NDUFA12: variants seen among roughly 807,000 people sequenced by gnomAD.
The protein encoded by NDUFA12 is NADH:ubiquinone oxidoreductase subunit A12.
A neutral mutation model predicts 20.3 loss-of-function variants in NDUFA12; 17 were observed. That is an observed-to-expected ratio of 0.84 (90% CI 0.57 to 1.26). The LOEUF (loss-of-function observed/expected upper bound fraction) is 1.26. NDUFA12 is among the 50% of genes most tolerant of loss of function. The pLI is 0.00. For synonymous variants in NDUFA12, 72 were observed against 63.6 expected (o/e 1.13, Z -0.63); for missense variants, 191 against 183.7 (o/e 1.04, Z -0.23).
At chr12:95,002,250 G>A (rs892807172) in intron 2 of NDUFA12, among the ~76,000 whole-genome samples, 18 of 150,660 alleles carry the variant, frequency 1.2e-4, no homozygotes, top group Admixed American at 3.3e-4. Context: ...GACCAGCCTG[G>A]CCAATATGGT....
intron 3 of NDUFA12, among the ~76,000 whole-genome samples, chr12:94,991,726 C>CAA (rs367869799): frequency 0.11 from 11,983 of 112,948 alleles, 699 homozygotes; most frequent in East Asian, 0.17. Context: ...GACGCTATCT[C>CAA]AAAAAAAAAA....
chr12:94,974,291 A>T (rs1359743297), intron 3 of NDUFA12, among the ~76,000 whole-genome samples: 3 of 152,072 alleles, frequency 2.0e-5, no homozygotes, highest in African/African-American at 7.2e-5. Context: ...AAAACCTACA[A>T]TGAGATATTA....
At chr12:94,988,837 CAG>C (rs1039996054) in intron 3 of NDUFA12, among the ~76,000 whole-genome samples, 4 of 152,338 alleles carry the variant, frequency 2.6e-5, no homozygotes, top group Admixed American at 1.3e-4. Flanking sequence ...CTCATTAAAA[CAG>C]TGTGTTGCTC....
chr12:94,975,119 C>T (rs1163395938), intron 3 of NDUFA12, among the ~76,000 whole-genome samples: 1 of 152,076 alleles, frequency 6.6e-6, no homozygotes, highest in Admixed American at 6.6e-5. Context: ...AAACATCTCA[C>T]CCCATAATAT....
intron 2 of NDUFA12, among the ~76,000 whole-genome samples, chr12:95,001,409 C>G (rs1164133062): frequency 6.6e-6 from 1 of 152,010 alleles, no homozygotes; most frequent in African/African-American, 2.4e-5. Context: ...CACCTGAGCC[C>G]AGGAATTCAA....
intron 3 of NDUFA12, among the ~76,000 whole-genome samples, chr12:94,975,143 G>A (rs1038775326): frequency 6.6e-6 from 1 of 152,058 alleles, no homozygotes; most frequent in Admixed American, 6.6e-5. Flanking sequence ...CACCTACTAT[G>A]TACCCAAAAA....
chr12:95,000,486 C>A (rs1379719020), intron 2 of NDUFA12, among the ~76,000 whole-genome samples: 1 of 152,206 alleles, frequency 6.6e-6, no homozygotes, highest in East Asian at 1.9e-4. Flanking sequence ...GAATTATCTG[C>A]CCCATAGTGT....
chr12:94,972,450 C>T (rs1335445460), intron 3 of NDUFA12: 1 of 454,530 alleles, frequency 2.2e-6, no homozygotes, highest in Admixed American at 2.3e-5. Flanking sequence ...GCTCAGGTTA[C>T]TCTGGCTCAT....
At chr12:94,991,308 G>C (rs1356818909) in intron 3 of NDUFA12, among the ~76,000 whole-genome samples, 1 of 151,700 alleles carries the variant, frequency 6.6e-6, no homozygotes, top group Non-Finnish European at 1.5e-5. Flanking sequence ...AAAATGTTCT[G>C]GGCCACACGT....
chr12:94,995,590 C>T, intron 2 of NDUFA12, among the ~76,000 whole-genome samples: 1 of 152,140 alleles, frequency 6.6e-6, no homozygotes, highest in South Asian at 2.1e-4. Context: ...AGTGCAATGG[C>T]GCGGCCTCGG....
At chr12:94,982,275 C>CTTTTTTTTTTT (rs201781364) in intron 3 of NDUFA12, among the ~76,000 whole-genome samples, 2 of 135,664 alleles carry the variant, frequency 1.5e-5, no homozygotes, top group African/African-American at 2.7e-5. Context: ...TTTTTCTTTT[C>CTTTTTTTTTTT]TTTTTTTTTT....
At chr12:94,996,333 A>G (rs1874831047) in intron 2 of NDUFA12, among the ~76,000 whole-genome samples, 1 of 93,672 alleles carries the variant, frequency 1.1e-5, no homozygotes, top group Non-Finnish European at 2.0e-5. Flanking sequence ...GTACACACAC[A>G]CACACACACA....
At chr12:94,994,353 C>CT in intron 2 of NDUFA12, 96 bp from the exon 3 acceptor site, 1 of 909,916 alleles carries the variant, frequency 1.1e-6, no homozygotes, top group Non-Finnish European at 1.7e-6. Context: ...TAAGAAAAGA[C>CT]TTTTTGTGAT....
chr12:95,003,517 G>A lies in NDUFA12; in HGVS notation c.86+78C>T, dbSNP rs369715805. ...AGCTGTGGATTCTCCAAGGTGACCC[G>A]AGCCTGGGACCCCTTCCAAGAAATC... On this transcript the variant is annotated intron_variant, in intron 1 of 3. Coordinates refer to ENST00000327772, the MANE Select transcript of NDUFA12 (RefSeq NM_018838.5). 6.6e-4 allele frequency: 960 copies of A among 1,456,702 alleles called. 10 individuals carry two copies. In the South Asian group the frequency reaches 9.7e-3, roughly 15 times the overall value. The allele number at this position is 1,456,702 out of a possible 1,614,324, so 90.2% of individuals were successfully genotyped here. A position where few individuals can be genotyped will look rare whatever the true frequency, so the allele number is the denominator to read the frequency against.
intron 3 of NDUFA12, chr12:94,971,870 C>T (rs567763037): frequency 2.7e-5 from 18 of 673,106 alleles, no homozygotes; most frequent in Non-Finnish European, 3.5e-5. Context: ...GTGGCAGATA[C>T]GCAACAAATG....
chr12:94,997,317 C>T (rs1158986708), intron 2 of NDUFA12: 1 of 152,586 alleles, frequency 6.6e-6, no homozygotes, highest in Non-Finnish European at 1.5e-5. Context: ...CCTTCTTCAT[C>T]TGTGAAATGG....
chr12:94,980,769 G>C (rs577732319), intron 3 of NDUFA12, among the ~76,000 whole-genome samples: 1 of 151,796 alleles, frequency 6.6e-6, no homozygotes, highest in South Asian at 2.1e-4. Context: ...GTGGGAAAAC[G>C]GTATACGTGC....
chr12:94,994,882 C>G (rs1443572793), intron 2 of NDUFA12, among the ~76,000 whole-genome samples: 1 of 152,136 alleles, frequency 6.6e-6, no homozygotes, highest in Admixed American at 6.6e-5. Context: ...TTAAACTGAG[C>G]AAAGACTTGG....
chr12:94,992,021 G>C (rs1874663294), intron 3 of NDUFA12, among the ~76,000 whole-genome samples: 2 of 152,108 alleles, frequency 1.3e-5, no homozygotes, highest in African/African-American at 4.8e-5. Context: ...TTCTACTGAA[G>C]ACAGCCCAAA....
Sources: gnomAD v4.1 joint callset for allele counts (sites outside exome capture counted in the v4.1 genomes callset) on GRCh38, gnomAD v4.1.1 for gene constraint, MANE v1.5 for transcripts, NCBI Gene and HGNC (gene_info 2026-07-23, HGNC 2026-07-21) for gene names.